SUPT3H: variants seen among roughly 807,000 people sequenced by gnomAD.
The protein encoded by SUPT3H is SPT3 homolog, SAGA and STAGA complex component.
SUPT3H carries 44 observed loss-of-function variants against 44.3 expected under a neutral mutation model. That is an observed-to-expected ratio of 0.99 (90% confidence interval 0.78 to 1.28). The LOEUF (loss-of-function observed/expected upper bound fraction) is 1.28. Ranked by LOEUF, SUPT3H falls within the 50% of genes most tolerant of loss-of-function variation. SUPT3H has a pLI of 0.00. For synonymous variants in SUPT3H, 124 were observed against 125.6 expected, an observed-to-expected ratio of 0.99 and a Z score of 0.09; for missense variants, 380 against 387.1, an observed-to-expected ratio of 0.98 and a Z score of 0.15.
At chr6:45,096,605 A>C (rs181577728) in intron 3 of SUPT3H, among the ~76,000 whole-genome samples, 99 of 149,782 alleles carry the variant, frequency 6.6e-4, no homozygotes, top group Non-Finnish European at 1.1e-3. Flanking sequence ...CAGGTCAAAG[A>C]AAGACGAGAC....
intron 2 of SUPT3H, among the ~76,000 whole-genome samples, chr6:45,233,777 A>C (rs989987672): frequency 6.6e-6 from 1 of 152,128 alleles, no homozygotes; most frequent in African/African-American, 2.4e-5. Flanking sequence ...TAGCCATTTA[A>C]ACTGGGATCT....
rs751493051 is a variant in SUPT3H at position 44,953,293 on chromosome 6, A to AT, written c.801+16dup. The AT allele has an allele frequency of 5.7e-5, 91 of 1,598,548 alleles. No individual in the cohort carries two copies. Among genetic ancestry groups the AT allele is most frequent in the Non-Finnish European group, 7.4e-5 (86 of 1,166,828 alleles). Reference sequence around the variant, plus strand: ...AAAATTCACAAATGTTTTAAGACAGATTTTTTTTGTACTTACCTCAGCAGA... The same window carrying AT: ...AAAATTCACAAATGTTTTAAGACAGATTTTTTTTTGTACTTACCTCAGCAGA... On this transcript the variant is annotated intron_variant, in intron 9 of 10. Coordinates refer to ENST00000371459, the MANE Select transcript of SUPT3H (RefSeq NM_003599.4).
At chr6:45,121,832 C>G (rs970758525) in intron 2 of SUPT3H, among the ~76,000 whole-genome samples, 1 of 151,952 alleles carries the variant, frequency 6.6e-6, no homozygotes, top group African/African-American at 2.4e-5. Context: ...CCCGCCACCA[C>G]GCCCAGCTAA....
intron 2 of SUPT3H, among the ~76,000 whole-genome samples, chr6:45,114,598 G>A (rs891415137): frequency 2.0e-5 from 3 of 152,072 alleles, no homozygotes; most frequent in Non-Finnish European, 2.9e-5. Context: ...ATGAAAATGT[G>A]CATCTGAGAA....
At chr6:45,336,848 T>C (rs1213497253) in intron 2 of SUPT3H, among the ~76,000 whole-genome samples, 2 of 151,574 alleles carry the variant, frequency 1.3e-5, no homozygotes, top group Non-Finnish European at 1.5e-5. Context: ...TTCAAATACA[T>C]GGTCAATTCA....
intron 2 of SUPT3H, among the ~76,000 whole-genome samples, chr6:45,231,416 C>T (rs1164504121): frequency 6.6e-6 from 1 of 152,202 alleles, no homozygotes; most frequent in Non-Finnish European, 1.5e-5. Flanking sequence ...TAAATATATC[C>T]TCCCATTCTC....
intron 2 of SUPT3H, among the ~76,000 whole-genome samples, chr6:45,310,065 T>C (rs1401085876): frequency 6.6e-6 from 1 of 152,182 alleles, no homozygotes; most frequent in Non-Finnish European, 1.5e-5. Flanking sequence ...GCCCTCCACC[T>C]GGAAACAGAC....
intron 2 of SUPT3H, among the ~76,000 whole-genome samples, chr6:45,360,837 C>T (rs1445284768): frequency 6.6e-6 from 1 of 152,176 alleles, no homozygotes; most frequent in African/African-American, 2.4e-5. Flanking sequence ...AGCTTATCCT[C>T]AGAAGAGTTC....
chr6:44,986,136 A>G (rs1278567806), intron 6 of SUPT3H, among the ~76,000 whole-genome samples: 1 of 152,216 alleles, frequency 6.6e-6, no homozygotes, highest in East Asian at 1.9e-4. Context: ...GCAACTATAC[A>G]TAACAAAACT....
chr6:45,010,391 G>A (rs1034082067), intron 5 of SUPT3H, among the ~76,000 whole-genome samples: 15 of 152,024 alleles, frequency 9.9e-5, no homozygotes, highest in African/African-American at 3.4e-4. Flanking sequence ...TGCCATTAAT[G>A]GACATCTTTG....
chr6:45,249,748 C>A (rs989981137), intron 2 of SUPT3H, among the ~76,000 whole-genome samples: 7 of 151,956 alleles, frequency 4.6e-5, no homozygotes, highest in Non-Finnish European at 1.0e-4. Flanking sequence ...AACACTGAAG[C>A]TTTCATCTTT....
At chr6:45,192,499 G>A (rs1380776661) in intron 2 of SUPT3H, among the ~76,000 whole-genome samples, 1 of 152,112 alleles carries the variant, frequency 6.6e-6, no homozygotes, top group Non-Finnish European at 1.5e-5. Context: ...TTTTTAAAGA[G>A]TATGTTTATA....
At chr6:44,986,364 A>G (rs1455136339) in intron 6 of SUPT3H, among the ~76,000 whole-genome samples, 1 of 152,160 alleles carries the variant, frequency 6.6e-6, no homozygotes, top group Non-Finnish European at 1.5e-5. Flanking sequence ...TAGACTGTGA[A>G]GAAAGGAATA....
intron 2 of SUPT3H, chr6:45,328,290 G>T (rs751140132): frequency 7.3e-7 from 1 of 1,366,520 alleles, no homozygotes; most frequent in South Asian, 1.1e-5. Context: ...AAAAAAAGGA[G>T]TTTTAAAGCT....
intron 2 of SUPT3H, among the ~76,000 whole-genome samples, chr6:45,232,903 C>A (rs926876171): frequency 3.3e-5 from 5 of 152,138 alleles, no homozygotes; most frequent in Admixed American, 2.0e-4. Context: ...CCTCCAGGAG[C>A]AGCAACAGTG....
intron 3 of SUPT3H, among the ~76,000 whole-genome samples, chr6:45,050,278 A>AGAGTGTGT (rs1554221019): frequency 6.8e-6 from 1 of 147,318 alleles, no homozygotes; most frequent in East Asian, 2.0e-4. Flanking sequence ...CTTTTTCTGC[A>AGAGTGTGT]GTGTGTGTGT....
intron 2 of SUPT3H, among the ~76,000 whole-genome samples, chr6:45,231,166 T>G (rs1230341443): frequency 6.6e-6 from 1 of 152,152 alleles, no homozygotes; most frequent in Admixed American, 6.5e-5. Flanking sequence ...TTCTTCCTCA[T>G]TTGTTGCTTT....
intron 3 of SUPT3H, among the ~76,000 whole-genome samples, chr6:45,094,746 A>G (rs574271269): frequency 1.3e-5 from 2 of 152,242 alleles, no homozygotes; most frequent in Admixed American, 1.3e-4. Context: ...AGAAAATAAG[A>G]CTAATTTAAG....
At chr6:44,915,738 T>C (rs1767711238) in intron 10 of SUPT3H, among the ~76,000 whole-genome samples, 1 of 152,178 alleles carries the variant, frequency 6.6e-6, no homozygotes, top group African/African-American at 2.4e-5. Flanking sequence ...CTCAACCAAT[T>C]GCCAATCAGA....
Sources: gnomAD v4.1 joint callset for allele counts (sites outside exome capture counted in the v4.1 genomes callset) on GRCh38, gnomAD v4.1.1 for gene constraint, MANE v1.5 for transcripts, NCBI Gene and HGNC (gene_info 2026-07-23, HGNC 2026-07-21) for gene names.